The following RNF115 variants were observed in gnomAD, a reference collection of about 807,000 sequenced individuals.
The protein encoded by RNF115 is ring finger protein 115, also known as E3 ubiquitin-protein ligase RNF115.
In RNF115, 31 loss-of-function variants were observed where a neutral mutation model predicts 39.2. That is an observed-to-expected ratio of 0.79 (90% CI 0.59 to 1.07). RNF115 has a LOEUF of 1.07. RNF115 is among the 50% of genes least tolerant of loss of function. RNF115 has a pLI of 0.00. For missense variants in RNF115, 384 were observed against 381.7 expected (o/e 1.01, Z -0.05); for synonymous variants, 124 against 131.0 (o/e 0.95, Z 0.37).
intron 4 of RNF115, among the ~76,000 whole-genome samples, chr1:145,758,038 C>A (rs1328390494): frequency 6.6e-6 from 1 of 152,110 alleles, no homozygotes; most frequent in African/African-American, 2.4e-5. Flanking sequence ...GGCTAGAGGG[C>A]AAACTGTGGT....
chr1:145,755,766 A>G (rs1205640295), intron 4 of RNF115, among the ~76,000 whole-genome samples: 1 of 152,122 alleles, frequency 6.6e-6, no homozygotes, highest in Non-Finnish European at 1.5e-5. Context: ...CCTTTGAGGA[A>G]GTTAAAGGTG....
chr1:145,806,242 G>A (rs1443692099), intron 1 of RNF115, among the ~76,000 whole-genome samples: 1 of 152,134 alleles, frequency 6.6e-6, no homozygotes. Flanking sequence ...CAGCTGCTCA[G>A]GAAGCTGAAG....
chr1:145,744,743 G>A lies in RNF115; in HGVS notation c.*2123C>T, dbSNP rs1394576603. The A allele has an allele frequency of 6.6e-6, 1 of 152,188 alleles. No individual in the cohort carries two copies. 9.4% of individuals were successfully genotyped at this position (152,188 alleles called of 1,614,324 possible). On this transcript the variant is annotated 3_prime_UTR_variant, in exon 9 of 9. Coordinates refer to ENST00000582693, the MANE Select transcript of RNF115 (RefSeq NM_014455.4). ...AACTGATCATTCTGATCATTGTTGT[G>A]TGACAATACAAATGGTGCCCCTCTG...
At chr1:145,750,541 C>T (rs1181725914) in intron 6 of RNF115, 41 bp from the exon 7 acceptor site, 15 of 1,488,160 alleles carry the variant, frequency 1.0e-5, no homozygotes, top group Middle Eastern at 1.7e-4. Flanking sequence ...TGGCAGACAT[C>T]GCAATATCCC....
chr1:145,744,594 C>T lies in RNF115; in HGVS notation c.*2272G>A, dbSNP rs1023760301. 8 of 152,170 alleles carry T rather than the reference C, an allele frequency of 5.3e-5. No homozygotes were observed. The highest frequency in any genetic ancestry group is 1.3e-4 in the Admixed American group (2 of 15,276). The allele number at this position is 152,170 out of a possible 1,614,324, so 9.4% of individuals were successfully genotyped here. On this transcript the variant is annotated 3_prime_UTR_variant, in exon 9 of 9. Transcript: ENST00000582693. ...CATCCTTTACCAAAGTACAGAGAAA[C>T]GTTATCTCTAGCCCCCTTCCGTCAC...
At chr1:145,773,594 G>A (rs587642992) in intron 3 of RNF115, 4 of 152,254 alleles carry the variant, frequency 2.6e-5, no homozygotes, top group African/African-American at 7.2e-5. Context: ...CTTCCTGTTT[G>A]TGTTGAACCT....
intron 4 of RNF115, among the ~76,000 whole-genome samples, chr1:145,763,130 T>G (rs1658596553): frequency 6.6e-6 from 1 of 152,132 alleles, no homozygotes; most frequent in Non-Finnish European, 1.5e-5. Flanking sequence ...GTAATAAACC[T>G]GCTGTTTTGT....
Position 145,794,512 on chromosome 1 carries a change from T to C in RNF115, c.103-5546A>G, listed in dbSNP as rs2101579693. ...GCATCTAATCTCTTTCTTTTTTTTT[T>C]TTTTTTTTTTTTTTTGAGACAGAGT... is the stretch of plus-strand genomic sequence containing the variant. On this transcript the variant is annotated intron_variant, in intron 1 of 8. Coordinates refer to ENST00000582693, the MANE Select transcript of RNF115 (RefSeq NM_014455.4). Among the ~76,000 whole-genome samples the C allele has an allele frequency of 1.4e-5, 2 of 141,198 alleles. 1 individual carries two copies. Among genetic ancestry groups the C allele is most frequent in the East Asian group, 4.0e-4 (2 of 4,962 alleles). The allele number at this position is 141,198 out of a possible 152,430, so 92.6% of individuals were successfully genotyped here.
At chr1:145,805,042 A>G (rs1553721408) in intron 1 of RNF115, among the ~76,000 whole-genome samples, 1 of 152,100 alleles carries the variant, frequency 6.6e-6, no homozygotes. Context: ...CCAAGTATAA[A>G]TATTAAAAAA....
In RNF115 at chr1:145,823,860, G is replaced by A. The variant is rs782579433; in HGVS notation, c.14C>T (p.Ser5Leu). The A allele has an allele frequency of 2.6e-6, 4 of 1,554,216 alleles. No individual in the cohort carries two copies. In the East Asian group the frequency reaches 1.0e-4, roughly 40 times the overall value. MAEA[S>L]AAGADSGAAV... The stretch of plus-strand genomic sequence containing the variant: ...GGCGCCCGAGTCCGCCCCGGCCGCC[G>A]AAGCCTCCGCCATTTTTGCCCTCCG... The change falls in exon 1 of 9, where the codon TCG (serine) becomes TTG (leucine). Residue 5 changes from serine (S) to leucine (L), a missense_variant. Transcript: ENST00000582693.
chr1:145,803,587 C>T (rs1339029580), intron 1 of RNF115, among the ~76,000 whole-genome samples: 1 of 152,174 alleles, frequency 6.6e-6, no homozygotes, highest in Non-Finnish European at 1.5e-5. Context: ...TGGGTTTCAC[C>T]ACATTGGCCA....
At chr1:145,823,661 A>T (rs1290670431) in intron 1 of RNF115, 111 bp downstream of exon 1, 5 of 900,084 alleles carry the variant, frequency 5.6e-6, no homozygotes, top group Non-Finnish European at 8.0e-6. Context: ...GGTATTCGGC[A>T]GACCGATGTC....
At position 145,790,265 on chromosome 1, in the gene RNF115, C is replaced by T. The variant is rs1483279467; in HGVS notation, c.103-1299G>A. ...AAGAGATTCTCCTGCCTCAGTCTCC[C>T]GAGTAGCTGGGATTACAGGCATGCA... On this transcript the variant is annotated intron_variant, in intron 1 of 8. Coordinates refer to ENST00000582693, the MANE Select transcript of RNF115 (RefSeq NM_014455.4). Among the ~76,000 whole-genome samples, 11 of 151,978 alleles carry T rather than the reference C, an allele frequency of 7.2e-5. No individual in the cohort carries two copies. In the East Asian group the frequency reaches 1.4e-3, roughly 19 times the overall value.
At chr1:145,764,522 G>A (rs587607996) in intron 4 of RNF115, among the ~76,000 whole-genome samples, 4 of 151,118 alleles carry the variant, frequency 2.6e-5, no homozygotes, top group East Asian at 3.9e-4. Flanking sequence ...CCCTCCGCCC[G>A]GCAGCCGCCC....
At chr1:145,819,300 A>C (rs1463709675) in intron 1 of RNF115, among the ~76,000 whole-genome samples, 8 of 118,620 alleles carry the variant, frequency 6.7e-5, no homozygotes, top group Admixed American at 2.7e-4. Flanking sequence ...AAAAAAAAAA[A>C]CAGCCAGGTG....
At position 145,741,582 on chromosome 1, in the gene RNF115, C is replaced by G. The variant is rs1184813778; in HGVS notation, c.*5284G>C. The G allele has an allele frequency of 6.6e-6, 1 of 152,288 alleles. No individual in the cohort carries two copies. The highest frequency in any genetic ancestry group is 2.4e-5 in the African/African-American group (1 of 41,470). The allele number at this position is 152,288 out of a possible 1,614,324, so 9.4% of individuals were successfully genotyped here. On this transcript the variant is annotated 3_prime_UTR_variant, in exon 9 of 9. Transcript: ENST00000582693. ...ATAGGACAGCCACTTGTGATACTTACCCCATCAAAGTTTTCCTCCATCTTA... is the reference window on the plus strand; with the variant it reads ...ATAGGACAGCCACTTGTGATACTTAGCCCATCAAAGTTTTCCTCCATCTTA...
intron 2 of RNF115, among the ~76,000 whole-genome samples, chr1:145,785,849 C>G (rs1482881689): frequency 6.6e-6 from 1 of 152,182 alleles, no homozygotes; most frequent in African/African-American, 2.4e-5. Flanking sequence ...TTCAGAAAAA[C>G]GCTTTTGTAA....
intron 1 of RNF115, among the ~76,000 whole-genome samples, chr1:145,791,291 C>G (rs587614726): frequency 6.6e-6 from 1 of 151,092 alleles, no homozygotes; most frequent in East Asian, 1.9e-4. Context: ...GCAGGCAGAT[C>G]ACCTGAGGTC....
At position 145,752,988 on chromosome 1, in the gene RNF115, G is replaced by T. The variant is rs782487338; in HGVS notation, c.490C>A (p.Pro164Thr). The change falls in exon 5 of 9, where the codon CCT becomes ACT. Residue 164 changes from proline to threonine, a missense_variant. Pro to Thr is a conservative substitution (Grantham distance 38, BLOSUM62 -1). Coordinates refer to ENST00000582693, the MANE Select transcript of RNF115 (RefSeq NM_014455.4). The stretch of plus-strand genomic sequence containing the variant: ...CAATTAGTTACTTACCAGGAAAAAG[G>T]GTGTGGAGATCCAGGAATGGCAGAA... Reference protein sequence around the residue: ...ANSAIPGSPHPFSWSGMLHSN... With the variant: ...ANSAIPGSPHTFSWSGMLHSN... 3.7e-6 allele frequency: 6 copies of T among 1,603,010 alleles called. No homozygotes were observed. The highest frequency in any genetic ancestry group is 1.3e-5 in the African/African-American group (1 of 74,828).
Sources: gnomAD v4.1 joint callset for allele counts (sites outside exome capture counted in the v4.1 genomes callset) on GRCh38, gnomAD v4.1.1 for gene constraint, MANE v1.5 for transcripts, NCBI Gene and HGNC (gene_info 2026-07-23, HGNC 2026-07-21) for gene names.